PSMB1: variants seen among roughly 807,000 people sequenced by gnomAD.
The protein encoded by PSMB1 is proteasome subunit beta type-1.
PSMB1 carries 7 observed loss-of-function variants against 25.4 expected under a neutral mutation model. The observed-to-expected ratio is 0.28, with a 90% CI of 0.16 to 0.52. The LOEUF (loss-of-function observed/expected upper bound fraction) is 0.52. Ranked by LOEUF, PSMB1 falls within the 20% of genes least tolerant of loss-of-function variation. The pLI, the probability that PSMB1 is intolerant of heterozygous loss-of-function variation, is 0.97. For missense variants in PSMB1, 284 were observed against 302.2 expected (o/e 0.94, Z 0.45); for synonymous variants, 119 against 115.0 (o/e 1.03, Z -0.22).
chr6:170,542,232 G>T (rs1399794235), intron 4 of PSMB1, among the ~76,000 whole-genome samples: 1 of 152,140 alleles, frequency 6.6e-6, no homozygotes, highest in Non-Finnish European at 1.5e-5. Flanking sequence ...GCTGTGTATG[G>T]GGGCGGATGT....
At chr6:170,548,182 G>A (rs1333990522) in intron 2 of PSMB1, among the ~76,000 whole-genome samples, 3 of 152,178 alleles carry the variant, frequency 2.0e-5, no homozygotes, top group Middle Eastern at 3.2e-3. Flanking sequence ...CTAGGAGCAG[G>A]AAAGACAACG....
Position 170,553,134 on chromosome 6 carries a change from C to T in PSMB1, c.109G>A (p.Gly37Arg). 6.2e-7 allele frequency: 1 copy of T among 1,609,236 alleles called. No individual in the cohort carries two copies. Among genetic ancestry groups the T allele is most frequent in the Non-Finnish European group, 8.5e-7 (1 of 1,177,558 alleles). The change falls in exon 1 of 6, where the codon GGA becomes AGA. Residue 37 changes from glycine to arginine, a missense_variant. Transcript: ENST00000262193. ...GCAGCTCTCTGGGGTTTTTACCCTC[C>T]GTTGAAAACGTAGGGCGAAAATCGC... ...QLRFSPYVFNGGTILAIAGED... is the reference protein window; with the variant it reads ...QLRFSPYVFNRGTILAIAGED...
rs1336716906 is a variant in PSMB1, at chr6:170,541,163, G to A, written c.433+2438C>T. Among the ~76,000 whole-genome samples the A allele has an allele frequency of 2.0e-5, 3 of 152,226 alleles. No homozygotes were observed. In the East Asian group the frequency reaches 5.8e-4, roughly 29 times the overall value. On this transcript the variant is annotated intron_variant, in intron 4 of 5. Transcript: ENST00000262193. ...GAACACAGGATGTGGGGGAATCTCA[G>A]GATGGCAGTGGTCCATCCTGGAGCA...
At chr6:170,545,848 G>C (rs954922745) in intron 3 of PSMB1, among the ~76,000 whole-genome samples, 5 of 152,178 alleles carry the variant, frequency 3.3e-5, no homozygotes, top group Non-Finnish European at 7.3e-5. Context: ...ACTCCTCCCA[G>C]GCTCCTTCTA....
Position 170,546,146 on chromosome 6 carries a change from C to A in PSMB1, c.260G>T (p.Gly87Val). ...KTVIGCSGFH[G>V]DCLTLTKIIE... Reference sequence around the variant, plus strand: ...AATCTTTGTCAGCGTAAGACAGTCTCCATGAAAACCGCTGCATCCAATGAC... The same window carrying A: ...AATCTTTGTCAGCGTAAGACAGTCTACATGAAAACCGCTGCATCCAATGAC... Residue 87 changes from glycine to valine, a missense_variant, in exon 3 of 6, where the codon GGA becomes GTA. Coordinates refer to ENST00000262193, the MANE Select transcript of PSMB1 (RefSeq NM_002793.4). 6.2e-7 allele frequency: 1 copy of A among 1,613,962 alleles called. No homozygotes were observed. Among genetic ancestry groups the A allele is most frequent in the Non-Finnish European group, 8.5e-7 (1 of 1,179,920 alleles).
At chr6:170,537,831 G>A (rs1425402279) in intron 4 of PSMB1, among the ~76,000 whole-genome samples, 2 of 152,136 alleles carry the variant, frequency 1.3e-5, no homozygotes, top group African/African-American at 2.4e-5. Flanking sequence ...AGATGGTGAG[G>A]TTTCTGTAGG....
Position 170,553,190 on chromosome 6 carries a change from T to C in PSMB1, c.53A>G (p.Glu18Gly). The C allele has an allele frequency of 6.2e-7, 1 of 1,613,968 alleles. No homozygotes were observed. Among genetic ancestry groups the C allele is most frequent in the Non-Finnish European group, 8.5e-7 (1 of 1,179,956 alleles). The change falls in exon 1 of 6, where the codon GAA (glutamate) becomes GGA (glycine). Residue 18 changes from glutamate to glycine, a missense_variant. By Grantham distance (98) the Glu-to-Gly change is moderately conservative (BLOSUM62 -2). Transcript: ENST00000262193. Reference protein sequence around the residue: ...YSAPGRDLGMEPHRAAGPLQL... With the variant: ...YSAPGRDLGMGPHRAAGPLQL... ...CAAAGGGCCCGCGGCTCTGTGCGGT[T>C]CCATCCCCAAGTCTCTGCCAGGAGC...
intron 4 of PSMB1, among the ~76,000 whole-genome samples, chr6:170,537,988 G>A (rs893335915): frequency 3.3e-5 from 5 of 152,212 alleles, no homozygotes; most frequent in Non-Finnish European, 7.3e-5. Context: ...ACAGTAAAAC[G>A]AAGAGAATTC....
chr6:170,540,767 G>GA (rs1300290014), intron 4 of PSMB1, among the ~76,000 whole-genome samples: 4 of 151,826 alleles, frequency 2.6e-5, no homozygotes, highest in African/African-American at 9.7e-5. Context: ...CAAGCTCTTG[G>GA]AAATTAATGA....
At chr6:170,543,816 A>C (rs770519612) in intron 3 of PSMB1, 86 bp from the exon 4 acceptor site, 56 of 1,249,194 alleles carry the variant, frequency 4.5e-5, no homozygotes, top group Admixed American at 1.0e-4. Flanking sequence ...TGAATAAATA[A>C]ATGCATACCA....
In PSMB1 at chr6:170,553,197, C is replaced by G. The variant is rs1210012743; in HGVS notation, c.46G>C (p.Gly16Arg). Residue 16 changes from glycine to arginine, a missense_variant, in exon 1 of 6, where the codon GGG becomes CGG. Gly to Arg is a moderately radical substitution (Grantham distance 125, BLOSUM62 -2). Transcript: ENST00000262193. ...AMYSAPGRDL[G>R]MEPHRAAGPL... is the part of the protein sequence containing the mutation. The stretch of plus-strand genomic sequence containing the variant: ...CCCGCGGCTCTGTGCGGTTCCATCC[C>G]CAAGTCTCTGCCAGGAGCCGAATAC... The G allele has an allele frequency of 1.2e-6, 2 of 1,613,930 alleles. No homozygotes were observed. Among genetic ancestry groups the G allele is most frequent in the African/African-American group, 2.7e-5 (2 of 75,060 alleles).
In PSMB1 at chr6:170,537,243, A is replaced by C. The variant is rs757505466; in HGVS notation, c.531T>G (p.Leu177=). 1 of 1,613,564 alleles carries C rather than the reference A, an allele frequency of 6.2e-7. No homozygotes were observed. The highest frequency in any genetic ancestry group is 1.3e-5 in the African/African-American group (1 of 75,040). Residue 177 remains leucine (L), a synonymous_variant, in exon 5 of 6, where the codon CTT becomes CTG. Coordinates refer to ENST00000262193, the MANE Select transcript of PSMB1 (RefSeq NM_002793.4). ...GSASAMLQPL[L]DNQVGFKNMQ... ...GACACAGTATCATTACCTGGTTGTC[A>C]AGCAGGGGCTGTAGCATGGCACTTG...
At chr6:170,547,696 T>C (rs1033530519) in intron 2 of PSMB1, among the ~76,000 whole-genome samples, 1 of 152,154 alleles carries the variant, frequency 6.6e-6, no homozygotes, top group Non-Finnish European at 1.5e-5. Context: ...AAGATGCTTT[T>C]CCCAAATATC....
intron 5 of PSMB1, among the ~76,000 whole-genome samples, chr6:170,535,842 A>G (rs1175007156): frequency 6.6e-6 from 1 of 152,222 alleles, no homozygotes; most frequent in African/African-American, 2.4e-5. Flanking sequence ...GGACGGAGTT[A>G]GGAAAAGCAC....
rs192051369 is a variant in PSMB1 at position 170,553,051 on chromosome 6, C to A, written c.113+79G>T. On this transcript the variant is annotated intron_variant, in intron 1 of 5. Transcript: ENST00000262193. ...CTGCAGGAGCCCGGGGCAGCGCCAT[C>A]ACGGCGGTGACTCCTAAATAGGCTT... The A allele has an allele frequency of 1.5e-4, 195 of 1,285,344 alleles. 2 individuals carry two copies. The African/African-American group carries it at 2.5e-3, about 17-fold the overall frequency. 79.6% of individuals were successfully genotyped at this position (1,285,344 alleles called of 1,614,324 possible).
intron 4 of PSMB1, among the ~76,000 whole-genome samples, chr6:170,543,344 A>C (rs935881485): frequency 3.3e-5 from 5 of 152,218 alleles, no homozygotes; most frequent in African/African-American, 9.6e-5. Context: ...AAAAATGCCT[A>C]ATTATTTACT....
At chr6:170,546,243 T>G in intron 2 of PSMB1, 59 bp from the exon 3 acceptor site, 1 of 1,366,234 alleles carries the variant, frequency 7.3e-7, no homozygotes, top group South Asian at 1.2e-5. Flanking sequence ...AAACATATCT[T>G]CGGCAATTTT....
In PSMB1 at chr6:170,535,373, A is replaced by T. The variant is rs1192319103; in HGVS notation, c.573T>A (p.His191Gln). Residue 191 changes from histidine (H) to glutamine (Q), a missense_variant, in exon 6 of 6, where the codon CAT becomes CAA. His to Gln is a conservative substitution (Grantham distance 24). Transcript: ENST00000262193. The stretch of plus-strand genomic sequence containing the variant: ...TGGCTCTGTCCAAGGACAGCGGAAC[A>T]TGCTCCACATTCTGCATGTTCTTAA... ...VGFKNMQNVE[H>Q]VPLSLDRAMR... The T allele has an allele frequency of 6.2e-7, 1 of 1,613,906 alleles. No individual in the cohort carries two copies.
At chr6:170,535,447 GA>G (rs1583111373) in intron 5 of PSMB1, 42 bp from the exon 6 acceptor site, 1 of 1,528,608 alleles carries the variant, frequency 6.5e-7, no homozygotes. Context: ...ATGTGACAGT[GA>G]GCACAAAGGA....
Sources: gnomAD v4.1 joint callset for allele counts (sites outside exome capture counted in the v4.1 genomes callset) on GRCh38, gnomAD v4.1.1 for gene constraint, MANE v1.5 for transcripts, NCBI Gene and HGNC (gene_info 2026-07-23, HGNC 2026-07-21) for gene names.